The following TNFSF11 variants were observed in gnomAD, a reference collection of about 807,000 sequenced individuals.
TNFSF11 encodes the protein TNF superfamily member 11.
TNFSF11 carries 12 observed loss-of-function variants against 32.2 expected under a neutral mutation model. That is an observed-to-expected ratio of 0.37 (90% CI 0.24 to 0.60). The LOEUF (loss-of-function observed/expected upper bound fraction) is 0.60, where lower values mean the gene tolerates loss of function less well. Ranked by LOEUF, TNFSF11 falls within the 20% of genes least tolerant of loss-of-function variation. The pLI is 0.66. For missense variants in TNFSF11, 345 were observed against 398.0 expected, an observed-to-expected ratio of 0.87 and a Z score of 1.13; for synonymous variants, 172 against 152.1, an observed-to-expected ratio of 1.13 and a Z score of -0.96.
upstream of TNFSF11, among the ~76,000 whole-genome samples, chr13:42,570,775 C>G (rs1396635066): frequency 6.6e-6 from 1 of 152,108 alleles, no homozygotes; most frequent in East Asian, 1.9e-4. Context: ...GGTTTTTACT[C>G]TGGGAGTAGT....
intron 2 of TNFSF11, among the ~76,000 whole-genome samples, chr13:42,582,417 C>T (rs1196486252): frequency 2.6e-5 from 4 of 152,172 alleles, no homozygotes; most frequent in South Asian, 2.1e-4. Context: ...TGTATTTTAT[C>T]GAATCTAAGT....
intron 2 of TNFSF11, among the ~76,000 whole-genome samples, chr13:42,599,311 A>ATCTG: frequency 7.2e-6 from 1 of 139,856 alleles, no homozygotes; most frequent in African/African-American, 2.7e-5. Context: ...GCCTCTATCT[A>ATCTG]TCTATCTATC....
upstream of TNFSF11, among the ~76,000 whole-genome samples, chr13:42,573,939 G>T (rs1338632029): frequency 1.3e-5 from 2 of 152,174 alleles, no homozygotes; most frequent in Non-Finnish European, 2.9e-5. Flanking sequence ...GGCAAGGGGA[G>T]TCTGGAACCA....
chr13:42,579,901 A>C (rs1873518749), intron 1 of TNFSF11, among the ~76,000 whole-genome samples: 1 of 151,990 alleles, frequency 6.6e-6, no homozygotes, highest in African/African-American at 2.4e-5. Context: ...TGGAATAATA[A>C]AATTTGTATT....
chr13:42,588,187 G>C (rs1438138592), intron 2 of TNFSF11, among the ~76,000 whole-genome samples: 1 of 152,180 alleles, frequency 6.6e-6, no homozygotes, highest in African/African-American at 2.4e-5. Context: ...TGTCTTTATG[G>C]GAAAGCTGAA....
At chr13:42,564,428 G>A (rs1005110257) in intron 1 of TNFSF11, among the ~76,000 whole-genome samples, 6 of 152,068 alleles carry the variant, frequency 3.9e-5, no homozygotes, top group African/African-American at 7.2e-5. Context: ...TTAGCCGGGC[G>A]TGGTGGCACA....
At position 42,601,320 on chromosome 13, in the gene TNFSF11, G is replaced by C. The variant is rs545388578; in HGVS notation, c.532+339G>C. Among the ~76,000 whole-genome samples, 4 of 152,310 alleles carry C rather than the reference G, an allele frequency of 2.6e-5. No homozygotes were observed. In the South Asian group the frequency reaches 8.3e-4, roughly 32 times the overall value. Reference sequence around the variant, plus strand: ...CTAAAGTTGACACAGCCCTGCTGCTGACCTCAGAGGTGAATGAATTCATCA... The same window carrying C: ...CTAAAGTTGACACAGCCCTGCTGCTCACCTCAGAGGTGAATGAATTCATCA... On this transcript the variant is annotated intron_variant, in intron 4 of 4. Coordinates refer to ENST00000398795, the MANE Select transcript of TNFSF11 (RefSeq NM_003701.4).
intron 2 of TNFSF11, among the ~76,000 whole-genome samples, chr13:42,595,938 T>C (rs1868782579): frequency 6.6e-6 from 1 of 152,216 alleles, no homozygotes; most frequent in Non-Finnish European, 1.5e-5. Flanking sequence ...CTCTAATTAA[T>C]CTGACAGATG....
intron 1 of TNFSF11, among the ~76,000 whole-genome samples, chr13:42,576,047 C>T (rs1873298912): frequency 6.6e-6 from 1 of 152,212 alleles, no homozygotes; most frequent in Non-Finnish European, 1.5e-5. Flanking sequence ...AGCCAGATAG[C>T]AGAGTGGCCT....
In TNFSF11 at chr13:42,574,224, A is replaced by G. The variant is rs1043236928; in HGVS notation, c.-80A>G. 4.6e-6 allele frequency: 7 copies of G among 1,515,282 alleles called. No individual in the cohort carries two copies. The African/African-American group carries it at 5.5e-5, about 12-fold the overall frequency. The allele number at this position is 1,515,282 out of a possible 1,614,324, so 93.9% of individuals were successfully genotyped here. A position where few individuals can be genotyped will look rare whatever the true frequency, so the allele number is the denominator to read the frequency against. ...GCGCCCCACGTCGAGGCTCCGCCGCAGCCTCCGGAGTTGGCCGCAGACAAG... is the reference window on the plus strand; with the variant it reads ...GCGCCCCACGTCGAGGCTCCGCCGCGGCCTCCGGAGTTGGCCGCAGACAAG... On this transcript the variant is annotated 5_prime_UTR_variant, in exon 1 of 5. Coordinates refer to ENST00000398795, the MANE Select transcript of TNFSF11 (RefSeq NM_003701.4).
intron 2 of TNFSF11, among the ~76,000 whole-genome samples, chr13:42,591,890 G>T (rs781008917): frequency 6.6e-6 from 1 of 152,190 alleles, no homozygotes; most frequent in Non-Finnish European, 1.5e-5. Flanking sequence ...AGCAGTGTGT[G>T]CAAAAGTCTG....
upstream of TNFSF11, among the ~76,000 whole-genome samples, chr13:42,569,685 G>A (rs1423951387): frequency 6.6e-6 from 1 of 152,188 alleles, no homozygotes; most frequent in East Asian, 1.9e-4. Context: ...AAGGAACCAA[G>A]GAATTTAGGT....
At chr13:42,581,490 C>T (rs544061461) in intron 2 of TNFSF11, among the ~76,000 whole-genome samples, 197 bp downstream of exon 2, 21 of 152,264 alleles carry the variant, frequency 1.4e-4, no homozygotes, top group African/African-American at 5.1e-4. Flanking sequence ...CAGGGACGTT[C>T]ATGCAAATAT....
At chr13:42,588,861 G>A (rs1874026808) in intron 2 of TNFSF11, among the ~76,000 whole-genome samples, 1 of 152,130 alleles carries the variant, frequency 6.6e-6, no homozygotes. Flanking sequence ...TGGTATGAAA[G>A]AGGTGGGTCC....
intron 2 of TNFSF11, among the ~76,000 whole-genome samples, chr13:42,586,502 G>C (rs1338816622): frequency 6.6e-6 from 1 of 152,196 alleles, no homozygotes; most frequent in Non-Finnish European, 1.5e-5. Flanking sequence ...ATTTTTGTTA[G>C]AAGTTACCCC....
At chr13:42,596,832 G>A (rs1282588105) in intron 2 of TNFSF11, among the ~76,000 whole-genome samples, 1 of 152,202 alleles carries the variant, frequency 6.6e-6, no homozygotes, top group East Asian at 1.9e-4. Flanking sequence ...CTCAATACCT[G>A]CTACATATTC....
At chr13:42,572,473 G>T (rs1005033721), upstream of TNFSF11, among the ~76,000 whole-genome samples, 1 of 152,124 alleles carries the variant, frequency 6.6e-6, no homozygotes, top group African/African-American at 2.4e-5. Flanking sequence ...CAAGGAGCAG[G>T]GAGAGAATGA....
At chr13:42,597,872 C>G (rs576446480) in intron 2 of TNFSF11, among the ~76,000 whole-genome samples, 1 of 151,898 alleles carries the variant, frequency 6.6e-6, no homozygotes, top group East Asian at 1.9e-4. Flanking sequence ...TTTTTTTAGA[C>G]GGGGTCTTGC....
chr13:42,585,313 T>C (rs1269300717), intron 2 of TNFSF11, among the ~76,000 whole-genome samples: 1 of 152,186 alleles, frequency 6.6e-6, no homozygotes, highest in Non-Finnish European at 1.5e-5. Flanking sequence ...GTGGCTGCAA[T>C]CATTATTGGG....
Sources: gnomAD v4.1 joint callset for allele counts (sites outside exome capture counted in the v4.1 genomes callset) on GRCh38, gnomAD v4.1.1 for gene constraint, MANE v1.5 for transcripts, NCBI Gene and HGNC (gene_info 2026-07-23, HGNC 2026-07-21) for gene names.